Variants in ASIC2 observed in about 807,000 individuals in gnomAD.
The protein encoded by ASIC2 is acid sensing ion channel subunit 2.
A neutral mutation model predicts 57.3 loss-of-function variants in ASIC2; 25 were observed. The observed-to-expected ratio is 0.44, with a 90% CI of 0.32 to 0.61. ASIC2 has a LOEUF of 0.61. Among genes scored for constraint, ASIC2 ranks in the 20% least tolerant of loss-of-function variants. ASIC2 has a pLI of 0.06. For synonymous variants in ASIC2, 319 were observed against 307.5 expected, an observed-to-expected ratio of 1.04 and a Z score of -0.39; for missense variants, 641 against 738.1, an observed-to-expected ratio of 0.87 and a Z score of 1.52.
intron 1 of ASIC2, among the ~76,000 whole-genome samples, chr17:33,723,372 A>G (rs1471128421): frequency 2.6e-5 from 4 of 152,174 alleles, no homozygotes. Flanking sequence ...TCTGTCACCC[A>G]GGCTGGAGTA....
chr17:33,042,004 C>T (rs1431354361), intron 3 of ASIC2, among the ~76,000 whole-genome samples: 3 of 152,184 alleles, frequency 2.0e-5, no homozygotes, highest in Admixed American at 2.0e-4. Flanking sequence ...CTGTCTTGCC[C>T]CACCCAGTTG....
chr17:33,440,575 C>G (rs1911788665), intron 1 of ASIC2, among the ~76,000 whole-genome samples: 2 of 152,302 alleles, frequency 1.3e-5, no homozygotes, highest in South Asian at 4.1e-4. Flanking sequence ...ACATTTCCAC[C>G]AGCAAAGAAA....
chr17:33,700,985 A>C (rs1188091281), intron 1 of ASIC2, among the ~76,000 whole-genome samples: 1 of 152,210 alleles, frequency 6.6e-6, no homozygotes, highest in African/African-American at 2.4e-5. Flanking sequence ...TGTAAAATTA[A>C]TCACCACACA....
At chr17:33,953,386 A>G (rs189407168) in intron 1 of ASIC2, among the ~76,000 whole-genome samples, 1 of 152,338 alleles carries the variant, frequency 6.6e-6, no homozygotes, top group African/African-American at 2.4e-5. Context: ...TTGAGTGTGT[A>G]ATATGTACCT....
intron 2 of ASIC2, among the ~76,000 whole-genome samples, chr17:33,110,379 C>G (rs1320517046): frequency 1.3e-5 from 2 of 152,282 alleles, no homozygotes; most frequent in Admixed American, 6.5e-5. Context: ...TGCCAGAGAT[C>G]AGAACGGACA....
intron 1 of ASIC2, among the ~76,000 whole-genome samples, chr17:33,230,493 G>T (rs1003595770): frequency 3.0e-4 from 45 of 152,226 alleles, no homozygotes; most frequent in Non-Finnish European, 1.0e-4. Flanking sequence ...AGAGGCAAGT[G>T]GTGTGAAGGT....
chr17:33,830,792 C>T (rs1913083813), intron 1 of ASIC2, among the ~76,000 whole-genome samples: 1 of 151,902 alleles, frequency 6.6e-6, no homozygotes, highest in Non-Finnish European at 1.5e-5. Context: ...TCAAATTCCA[C>T]TTATGGGAGT....
At chr17:33,556,212 G>T (rs1249332047) in intron 1 of ASIC2, among the ~76,000 whole-genome samples, 3 of 152,184 alleles carry the variant, frequency 2.0e-5, no homozygotes. Context: ...AACCCACCTT[G>T]GACTTCTGCC....
At chr17:33,684,347 G>A (rs1448741523) in intron 1 of ASIC2, among the ~76,000 whole-genome samples, 1 of 152,028 alleles carries the variant, frequency 6.6e-6, no homozygotes, top group African/African-American at 2.4e-5. Context: ...TCTTCAGAGT[G>A]GCTCATTTTA....
At chr17:33,896,562 G>A (rs1210093579) in intron 1 of ASIC2, among the ~76,000 whole-genome samples, 1 of 152,228 alleles carries the variant, frequency 6.6e-6, no homozygotes, top group Non-Finnish European at 1.5e-5. Flanking sequence ...GCCTGCAGGG[G>A]CTCAGAGCTC....
At chr17:33,956,979 G>A (rs541365457) in intron 1 of ASIC2, among the ~76,000 whole-genome samples, 3 of 152,350 alleles carry the variant, frequency 2.0e-5, no homozygotes, top group South Asian at 4.1e-4. Flanking sequence ...CATGGGCCTG[G>A]CAGCTGCTGC....
In ASIC2 at chr17:33,880,259, G is replaced by A. The variant is rs1914665344; in HGVS notation, c.555+275719C>T. ...AAGGCAAGAAATAACTAAGATCAGAGCAGAACTGAAGGAAATAGAGACACA... is the reference window on the plus strand; with the variant it reads ...AAGGCAAGAAATAACTAAGATCAGAACAGAACTGAAGGAAATAGAGACACA... On this transcript the variant is annotated intron_variant, in intron 1 of 9. Coordinates refer to the ASIC2 transcript ENST00000359872. 5.9e-5 allele frequency among the ~76,000 whole-genome samples: 9 copies of A among 152,198 alleles called. No individual in the cohort carries two copies. The South Asian group carries it at 1.9e-3, about 32-fold the overall frequency.
chr17:33,264,836 T>A (rs1183098712), intron 1 of ASIC2, among the ~76,000 whole-genome samples: 1 of 152,208 alleles, frequency 6.6e-6, no homozygotes, highest in African/African-American at 2.4e-5. Flanking sequence ...TTCAAACAGT[T>A]ACAGGGAAGG....
intron 1 of ASIC2, among the ~76,000 whole-genome samples, chr17:33,145,676 A>G (rs1484198951): frequency 2.0e-5 from 3 of 152,208 alleles, no homozygotes; most frequent in African/African-American, 7.2e-5. Context: ...TTCTTCATCT[A>G]TGAAAATGAG....
chr17:33,938,214 G>T (rs1916110114), intron 1 of ASIC2, among the ~76,000 whole-genome samples: 1 of 152,164 alleles, frequency 6.6e-6, no homozygotes, highest in Admixed American at 6.5e-5. Flanking sequence ...GACAAAAAGG[G>T]GTTACTGGGG....
At chr17:33,300,031 A>G (rs1905885571) in intron 1 of ASIC2, among the ~76,000 whole-genome samples, 1 of 152,220 alleles carries the variant, frequency 6.6e-6, no homozygotes. Context: ...GATCTTTAAA[A>G]AGAATCCATT....
At chr17:33,779,580 C>T (rs1186510005) in intron 1 of ASIC2, among the ~76,000 whole-genome samples, 1 of 152,156 alleles carries the variant, frequency 6.6e-6, no homozygotes, top group Non-Finnish European at 1.5e-5. Context: ...ACCTAAGAAA[C>T]TTAGTTTCTC....
At chr17:33,123,965 A>G (rs143992050) in intron 1 of ASIC2, among the ~76,000 whole-genome samples, 102 of 152,352 alleles carry the variant, frequency 6.7e-4, no homozygotes, top group Non-Finnish European at 1.1e-3. Flanking sequence ...CACCAGTGGA[A>G]ACCAAATGAT....
chr17:34,055,849 C>A (rs1174482845), intron 1 of ASIC2, among the ~76,000 whole-genome samples: 1 of 152,076 alleles, frequency 6.6e-6, no homozygotes, highest in Non-Finnish European at 1.5e-5. Flanking sequence ...ACAATTATTG[C>A]TGTAGACATA....
Sources: allele counts gnomAD v4.1 joint callset (sites outside exome capture counted in the v4.1 genomes callset), GRCh38; gene constraint gnomAD v4.1.1; transcripts MANE v1.5; gene names NCBI Gene and HGNC (gene_info 2026-07-23, HGNC 2026-07-21).